Variants in SHANK2 observed in about 807,000 individuals in gnomAD.
SHANK2 encodes SH3 and multiple ankyrin repeat domains protein 2.
Under a neutral mutation model 133.7 loss-of-function variants are expected in SHANK2, and 43 were observed. That is an observed-to-expected ratio of 0.32 (90% CI 0.25 to 0.41). SHANK2 has a LOEUF of 0.41. Among genes scored for constraint, SHANK2 ranks in the 10% least tolerant of loss-of-function variants. The pLI, the probability that SHANK2 is intolerant of heterozygous loss-of-function variation, is 1.00. For missense variants in SHANK2, 1,994 were observed against 2,235.8 expected (o/e 0.89, Z 2.18); for synonymous variants, 1,017 against 952.8 (o/e 1.07, Z -1.24).
At position 71,166,831 on chromosome 11, in the gene SHANK2, C is replaced by T. The variant is rs531756872; in HGVS notation, c.-12-19493G>A. On this transcript the variant is annotated intron_variant, in intron 2 of 25. Transcript: ENST00000601538. ...TAATTGATCATTCTTGGGTGTTTCT[C>T]GCAGAGGGGGATTTGGCAGGGTCAC... Among the ~76,000 whole-genome samples, 154 of 147,098 alleles carry T rather than the reference C, an allele frequency of 1.0e-3. 1 individual carries two copies. Among genetic ancestry groups the T allele is most frequent in the African/African-American group, 3.6e-3 (144 of 40,432 alleles).
At chr11:71,162,597 G>A (rs1236490246) in intron 2 of SHANK2, among the ~76,000 whole-genome samples, 1 of 152,226 alleles carries the variant, frequency 6.6e-6, no homozygotes, top group African/African-American at 2.4e-5. Context: ...GCATGTGACA[G>A]TGAAATGGGG....
Position 70,505,780 on chromosome 11 carries a change from T to C in SHANK2, c.2062-2849A>G, listed in dbSNP as rs566257073. ...GCCTCCTGAGGGCTCGTCGGGCTGA[T>C]GGGGACTTTAACAGCCTGGCCACTT... On this transcript the variant is annotated intron_variant, in intron 17 of 25. Coordinates refer to ENST00000601538, the MANE Select transcript of SHANK2 (RefSeq NM_012309.5). 2.8e-3 allele frequency among the ~76,000 whole-genome samples: 429 copies of C among 152,160 alleles called. 3 individuals carry two copies. The highest frequency in any genetic ancestry group is 9.6e-3 in the African/African-American group (399 of 41,524).
rs1948957559 is a variant in SHANK2, at chr11:70,844,081, G to A, written c.1175-23399C>T. Among the ~76,000 whole-genome samples the A allele has an allele frequency of 2.0e-5, 3 of 151,964 alleles. No homozygotes were observed. In the South Asian group the frequency reaches 6.2e-4, roughly 32 times the overall value. ...TCCCCAAGGTGGTGGGAGCTCCCTG[G>A]GGGATGAGTGGGCGCCTCCATCCAT... On this transcript the variant is annotated intron_variant, in intron 11 of 25. Transcript: ENST00000601538.
chr11:71,081,710 C>A (rs1951303531), intron 8 of SHANK2, among the ~76,000 whole-genome samples: 1 of 152,178 alleles, frequency 6.6e-6, no homozygotes, highest in African/African-American at 2.4e-5. Flanking sequence ...TCTTCCTTCT[C>A]CAAACAGAAC....
chr11:70,641,891 C>G (rs1277416172), intron 17 of SHANK2, among the ~76,000 whole-genome samples: 2 of 152,224 alleles, frequency 1.3e-5, no homozygotes, highest in East Asian at 3.9e-4. Flanking sequence ...AAGCCCCTGC[C>G]CCAGCTTGCA....
chr11:71,156,050 A>G (rs1347420482), intron 2 of SHANK2, among the ~76,000 whole-genome samples: 1 of 152,196 alleles, frequency 6.6e-6, no homozygotes, highest in Non-Finnish European at 1.5e-5. Context: ...AGGGATGATC[A>G]CAGGAAGACA....
intron 15 of SHANK2, among the ~76,000 whole-genome samples, chr11:70,673,351 G>C (rs1944851049): frequency 6.6e-6 from 1 of 152,036 alleles, no homozygotes; most frequent in African/African-American, 2.4e-5. Flanking sequence ...TGTGAGTGCA[G>C]GAAGGGACTG....
intron 11 of SHANK2, among the ~76,000 whole-genome samples, chr11:70,842,214 A>G (rs1382521111): frequency 1.3e-5 from 2 of 152,250 alleles, no homozygotes; most frequent in Non-Finnish European, 2.9e-5. Flanking sequence ...TAAACATTTT[A>G]CTAATTTCTT....
intron 17 of SHANK2, chr11:70,566,533 T>C (rs554245451): frequency 3.3e-5 from 5 of 152,330 alleles, no homozygotes; most frequent in Admixed American, 1.3e-4. Flanking sequence ...TGGCTCCCAC[T>C]GTCTGAACCG....
intron 9 of SHANK2, among the ~76,000 whole-genome samples, chr11:71,061,346 TG>T: frequency 6.6e-6 from 1 of 152,328 alleles, no homozygotes. Flanking sequence ...CTCCCTAACG[TG>T]GTCACACATT....
intron 2 of SHANK2, among the ~76,000 whole-genome samples, chr11:71,170,899 G>A (rs891809264): frequency 2.6e-5 from 4 of 152,232 alleles, no homozygotes; most frequent in Non-Finnish European, 5.9e-5. Flanking sequence ...CTGGCAGGGG[G>A]TGCATTAGTC....
At chr11:70,950,219 C>A in intron 10 of SHANK2, 1 of 443,776 alleles carries the variant, frequency 2.3e-6, no homozygotes, top group South Asian at 1.6e-5. Context: ...CTCTATGGCC[C>A]AGGCTGGAGT....
intron 10 of SHANK2, among the ~76,000 whole-genome samples, chr11:70,943,761 C>T (rs1950679320): frequency 6.6e-6 from 1 of 152,164 alleles, no homozygotes; most frequent in African/African-American, 2.4e-5. Context: ...CAACAATGTC[C>T]TGTCTGGATG....
chr11:70,539,926 G>A (rs1273328903), intron 17 of SHANK2, among the ~76,000 whole-genome samples: 1 of 152,146 alleles, frequency 6.6e-6, no homozygotes, highest in African/African-American at 2.4e-5. Flanking sequence ...TGTGCCCCTG[G>A]TGGTGGCTGG....
intron 17 of SHANK2, among the ~76,000 whole-genome samples, chr11:70,626,291 T>C (rs1399257288): frequency 1.3e-5 from 2 of 152,216 alleles, no homozygotes; most frequent in African/African-American, 4.8e-5. Context: ...ATGCACTCTA[T>C]ATTTAGGAAC....
intron 14 of SHANK2, among the ~76,000 whole-genome samples, chr11:70,721,193 C>T (rs143578333): frequency 3.3e-5 from 5 of 152,322 alleles, no homozygotes; most frequent in African/African-American, 9.6e-5. Context: ...TGCTCCTTCC[C>T]GAAAGAGGCA....
intron 14 of SHANK2, among the ~76,000 whole-genome samples, chr11:70,717,506 G>C (rs1364914487): frequency 2.0e-5 from 3 of 152,166 alleles, no homozygotes; most frequent in Non-Finnish European, 4.4e-5. Context: ...GGGGCGCCCA[G>C]CAAGCAGGAC....
intron 17 of SHANK2, among the ~76,000 whole-genome samples, chr11:70,596,165 G>A (rs1298625841): frequency 6.6e-6 from 1 of 152,226 alleles, no homozygotes; most frequent in Non-Finnish European, 1.5e-5. Context: ...GAGCTGTCCT[G>A]CGTGTGGTGA....
At chr11:70,477,161 G>C (rs2058674855) in intron 25 of SHANK2, 2 of 152,024 alleles carry the variant, frequency 1.3e-5, no homozygotes, top group African/African-American at 2.4e-5. Flanking sequence ...CTTCTGTTCA[G>C]CACGACCCTC....
Sources: allele counts gnomAD v4.1 joint callset (sites outside exome capture counted in the v4.1 genomes callset), GRCh38; gene constraint gnomAD v4.1.1; transcripts MANE v1.5; gene names NCBI Gene and HGNC (gene_info 2026-07-23, HGNC 2026-07-21).